Variants in DOCK1 observed in about 807,000 individuals in gnomAD.
DOCK1 encodes the protein dedicator of cytokinesis 1, also known as dedicator of cytokinesis protein 1.
In DOCK1, 138 loss-of-function variants were observed where a neutral mutation model predicts 262.7. That is an observed-to-expected ratio of 0.53 (90% CI 0.46 to 0.61). The LOEUF is 0.61. Ranked by LOEUF, DOCK1 falls within the 20% of genes least tolerant of loss-of-function variation. The probability of loss-of-function intolerance (pLI) is 0.00; values close to 1 mark genes in which losing one functional copy is unlikely to be tolerated. For missense variants in DOCK1, 1,908 were observed against 2,370.7 expected (o/e 0.80, Z 4.05); for synonymous variants, 866 against 867.4 (o/e 1.00, Z 0.03).
chr10:126,940,623 C>T (rs1479540323), intron 1 of DOCK1, among the ~76,000 whole-genome samples: 4 of 152,092 alleles, frequency 2.6e-5, no homozygotes, highest in South Asian at 2.1e-4. Flanking sequence ...AGGCTAGTCT[C>T]GAACTCCTGA....
intron 27 of DOCK1, among the ~76,000 whole-genome samples, chr10:127,229,002 G>A (rs2058741978): frequency 6.6e-6 from 1 of 152,144 alleles, no homozygotes; most frequent in Admixed American, 6.5e-5. Context: ...GGAGGCTTAG[G>A]CGGGTGGATC....
chr10:127,132,039 T>C (rs991833670), intron 27 of DOCK1, among the ~76,000 whole-genome samples: 2 of 152,252 alleles, frequency 1.3e-5, no homozygotes, highest in Admixed American at 6.5e-5. Context: ...GTGGCCTCTT[T>C]CCATCGGAAT....
At chr10:127,031,232 C>T (rs11018220) in intron 16 of DOCK1, among the ~76,000 whole-genome samples, 6,973 of 152,252 alleles carry the variant, frequency 0.046, 217 homozygotes, top group Middle Eastern at 0.068. Context: ...TGTTGATTTC[C>T]GCTGGTCTGG....
intron 23 of DOCK1, among the ~76,000 whole-genome samples, chr10:127,099,254 A>G (rs546916150): frequency 1.5e-4 from 23 of 152,202 alleles, no homozygotes; most frequent in African/African-American, 5.1e-4. Context: ...CGACTTCCCA[A>G]TGTCCTCTGT....
chr10:127,143,834 A>G (rs1009269396), intron 27 of DOCK1, among the ~76,000 whole-genome samples: 9 of 152,050 alleles, frequency 5.9e-5, no homozygotes, highest in Admixed American at 3.3e-4. Flanking sequence ...CAGGACCCCA[A>G]ATATTTGTTG....
chr10:127,110,592 A>G (rs1156727352), intron 25 of DOCK1, among the ~76,000 whole-genome samples: 1 of 152,220 alleles, frequency 6.6e-6, no homozygotes, highest in East Asian at 1.9e-4. Flanking sequence ...GGTATACACC[A>G]AAGTCCTAGG....
intron 10 of DOCK1, among the ~76,000 whole-genome samples, chr10:127,004,058 G>C (rs2040804360): frequency 6.6e-6 from 1 of 151,934 alleles, no homozygotes. Context: ...TTCGAGACCA[G>C]CGTGGCCAGT....
At chr10:127,334,389 C>T (rs899512607) in intron 29 of DOCK1, among the ~76,000 whole-genome samples, 2 of 152,174 alleles carry the variant, frequency 1.3e-5, no homozygotes, top group African/African-American at 4.8e-5. Context: ...GGAAAGCTTA[C>T]TGGTTTGTTG....
Position 127,061,785 on chromosome 10 carries a change from C to T in DOCK1, c.2445+9C>T, listed in dbSNP as rs73372802. On this transcript the variant is annotated intron_variant, in intron 23 of 51. Coordinates refer to ENST00000623213, the MANE Select transcript of DOCK1 (RefSeq NM_001290223.2). ...AGACCGTCCGGGTGAAGGTGAGTGC[C>T]GGCCACTGCCAAGGCAGACTTCTCC... 13,499 of 1,570,298 alleles carry T rather than the reference C, an allele frequency of 8.6e-3. 918 individuals carry two copies. The African/African-American group carries it at 0.16, about 18-fold the overall frequency.
intron 35 of DOCK1, among the ~76,000 whole-genome samples, chr10:127,379,188 C>T (rs2065692615): frequency 6.6e-6 from 1 of 152,130 alleles, no homozygotes; most frequent in Admixed American, 6.5e-5. Flanking sequence ...CTGGTGGCTC[C>T]TGTGTGAAAA....
At position 127,031,700 on chromosome 10, in the gene DOCK1, A is replaced by C; in HGVS notation, c.1675A>C (p.Arg559=). ...IFALAFVKLM[R]YDGTTLRDGE... ...TGCACTAGCATTTGTCAAGCTGATG[A>C]GATACGATGGTACCACCCTGCGAGA... The change falls in exon 17 of 52, where the codon AGA becomes CGA. Residue 559 remains arginine (R), a synonymous_variant. Coordinates refer to ENST00000623213, the MANE Select transcript of DOCK1 (RefSeq NM_001290223.2). 1 of 1,613,278 alleles carries C rather than the reference A, an allele frequency of 6.2e-7. No individual in the cohort carries two copies. The highest frequency in any genetic ancestry group is 8.5e-7 in the Non-Finnish European group (1 of 1,179,812).
intron 25 of DOCK1, among the ~76,000 whole-genome samples, chr10:127,124,955 TA>T (rs973824416): frequency 5.2e-4 from 75 of 144,658 alleles, no homozygotes; most frequent in East Asian, 1.0e-3. Context: ...CTACTAAAAA[TA>T]AAAAAAAAAA....
chr10:127,222,292 T>G (rs2058466181), intron 27 of DOCK1, among the ~76,000 whole-genome samples: 1 of 152,194 alleles, frequency 6.6e-6, no homozygotes, highest in Admixed American at 6.5e-5. Context: ...AATTGTGTAA[T>G]TAGCCTACTA....
intron 27 of DOCK1, among the ~76,000 whole-genome samples, chr10:127,133,385 ATGT>A (rs1432616801): frequency 1.3e-5 from 2 of 152,232 alleles, no homozygotes; most frequent in Non-Finnish European, 2.9e-5. Context: ...CTGCAAAAAA[ATGT>A]TGTGTTTCAA....
chr10:127,411,820 A>G (rs990898440), intron 43 of DOCK1, among the ~76,000 whole-genome samples: 1 of 152,178 alleles, frequency 6.6e-6, no homozygotes, highest in Non-Finnish European at 1.5e-5. Flanking sequence ...AGCCTGGGGA[A>G]CGAGAGTGAA....
At chr10:127,395,339 G>A (rs2066756314) in intron 38 of DOCK1, among the ~76,000 whole-genome samples, 1 of 152,046 alleles carries the variant, frequency 6.6e-6, no homozygotes, top group Non-Finnish European at 1.5e-5. Flanking sequence ...TCATGTCCTG[G>A]CAGGTGTGGC....
chr10:127,393,704 T>C (rs2066640962), intron 38 of DOCK1, among the ~76,000 whole-genome samples: 5 of 152,208 alleles, frequency 3.3e-5, no homozygotes, highest in Admixed American at 3.3e-4. Context: ...TTTTGAATGA[T>C]GTTCTGTTAT....
At chr10:127,182,403 C>G (rs1193609249) in intron 27 of DOCK1, among the ~76,000 whole-genome samples, 1 of 152,184 alleles carries the variant, frequency 6.6e-6, no homozygotes, top group East Asian at 1.9e-4. Flanking sequence ...GGAGGGCAAG[C>G]ATGCATGCTT....
chr10:127,368,764 A>G (rs910737648), intron 33 of DOCK1, among the ~76,000 whole-genome samples: 4 of 152,084 alleles, frequency 2.6e-5, no homozygotes, highest in African/African-American at 4.8e-5. Context: ...CCGCACTCCA[A>G]GTCTCACCCT....
Sources: allele counts gnomAD v4.1 joint callset (sites outside exome capture counted in the v4.1 genomes callset), GRCh38; gene constraint gnomAD v4.1.1; transcripts MANE v1.5; gene names NCBI Gene and HGNC (gene_info 2026-07-23, HGNC 2026-07-21).